Variants in CIDEA observed in about 807,000 individuals in gnomAD.
CIDEA encodes lipid transferase CIDEA.
A neutral mutation model predicts 18.2 loss-of-function variants in CIDEA; 10 were observed. The observed-to-expected ratio is 0.55, with a 90% CI of 0.34 to 0.93. The LOEUF (loss-of-function observed/expected upper bound fraction) is 0.93, where lower values mean the gene tolerates loss of function less well. Among genes scored for constraint, CIDEA ranks in the 40% least tolerant of loss-of-function variants. The pLI is 0.02. For missense variants in CIDEA, 309 were observed against 293.1 expected, an observed-to-expected ratio of 1.05 and a Z score of -0.40; for synonymous variants, 128 against 124.8, an observed-to-expected ratio of 1.03 and a Z score of -0.17.
intron 1 of CIDEA, among the ~76,000 whole-genome samples, chr18:12,260,069 C>G (rs1048786697): frequency 6.6e-6 from 1 of 152,140 alleles, no homozygotes; most frequent in Non-Finnish European, 1.5e-5. Flanking sequence ...CACAAACACT[C>G]ACGATTATGG....
intron 3 of CIDEA, among the ~76,000 whole-genome samples, chr18:12,272,147 T>TGGGGGGGGGGGGGGG: frequency 6.8e-4 from 1 of 1,478 alleles, no homozygotes; most frequent in South Asian, 0.029. Flanking sequence ...TGAGTGTGTG[T>TGGGGGGGGGGGGGGG]GTGGGGGGGG....
chr18:12,267,483 G>A (rs1027429991), intron 3 of CIDEA, among the ~76,000 whole-genome samples: 7 of 152,312 alleles, frequency 4.6e-5, no homozygotes, highest in South Asian at 4.1e-4. Context: ...AGTAAACAAC[G>A]CATCCTCAAA....
rs1905370482 is a variant in CIDEA, at chr18:12,277,230, C to T, written c.620C>T (p.Ser207Phe). The T allele has an allele frequency of 2.5e-6, 4 of 1,614,038 alleles. No individual in the cohort carries two copies. In the East Asian group the frequency reaches 6.7e-5, roughly 27 times the overall value. Residue 207 changes from serine (S) to phenylalanine (F), a missense_variant, in exon 5 of 5, where the codon TCC (serine) becomes TTC (phenylalanine). Coordinates refer to ENST00000320477, the MANE Select transcript of CIDEA (RefSeq NM_001279.4). Reference sequence around the variant, plus strand: ...CTGGATGACAAGGAAGAGCGGCCATCCCTCCGGTCACAAGCCAAGGGCAGG... The same window carrying T: ...CTGGATGACAAGGAAGAGCGGCCATTCCTCCGGTCACAAGCCAAGGGCAGG... ...RVLDDKEERP[S>F]LRSQAKGRFT...
At chr18:12,255,691 C>G (rs1016450584) in intron 1 of CIDEA, among the ~76,000 whole-genome samples, 1 of 152,174 alleles carries the variant, frequency 6.6e-6, no homozygotes, top group African/African-American at 2.4e-5. Context: ...TCCTCCGGAG[C>G]ATGGGGGAAG....
chr18:12,266,538 A>T (rs1435269917), intron 3 of CIDEA, among the ~76,000 whole-genome samples: 1 of 152,246 alleles, frequency 6.6e-6, no homozygotes, highest in Non-Finnish European at 1.5e-5. Context: ...GAATTTTTGG[A>T]AATGAAAAAT....
At chr18:12,268,254 A>ATTTTTTTTTTTTTTTTT (rs1912411367) in intron 3 of CIDEA, among the ~76,000 whole-genome samples, 4 of 51,060 alleles carry the variant, frequency 7.8e-5, no homozygotes, top group African/African-American at 7.7e-5. Flanking sequence ...TTTTTTTTTC[A>ATTTTTTTTTTTTTTTTT]TTTTTAGTAG....
intron 1 of CIDEA, among the ~76,000 whole-genome samples, chr18:12,260,503 A>G (rs1912161601): frequency 6.6e-6 from 1 of 152,112 alleles, no homozygotes; most frequent in African/African-American, 2.4e-5. Context: ...GGTTTTTTAT[A>G]TTACAAACAA....
In CIDEA at chr18:12,277,392, C is replaced by G. The variant is rs1905380376; in HGVS notation, c.*122C>G. 1 of 1,104,804 alleles carries G rather than the reference C, an allele frequency of 9.1e-7. No homozygotes were observed. The highest frequency in any genetic ancestry group is 2.6e-5 in the East Asian group (1 of 38,478). The allele number at this position is 1,104,804 out of a possible 1,614,324, so 68.4% of individuals were successfully genotyped here. A position where few individuals can be genotyped will look rare whatever the true frequency, so the allele number is the denominator to read the frequency against. On this transcript the variant is annotated 3_prime_UTR_variant, in exon 5 of 5. Transcript: ENST00000320477. ...CTTGGAGGCCGCTGGTCACGCTGCT[C>G]AGGAGTGGTGCCCAGAAAAGGAAAG...
chr18:12,274,295 C>G, intron 4 of CIDEA, 21 bp downstream of exon 4: 1 of 1,612,544 alleles, frequency 6.2e-7, no homozygotes, highest in Non-Finnish European at 8.5e-7. Context: ...CCAGGGGTCA[C>G]CTCCGGGGGT....
intron 3 of CIDEA, among the ~76,000 whole-genome samples, chr18:12,267,199 T>G (rs1390528743): frequency 6.6e-6 from 1 of 152,240 alleles, no homozygotes; most frequent in Non-Finnish European, 1.5e-5. Flanking sequence ...GAACCTGAGA[T>G]TCCAACAACA....
In CIDEA at chr18:12,277,110, G is replaced by T; in HGVS notation, c.513-13G>T. ...ATCCCAAGCTAAAGCCTCCCCATCT[G>T]CCTCTGCCACAGGAGTCTGCTGCGG... On this transcript the variant is annotated splice_polypyrimidine_tract_variant and intron_variant, in intron 4 of 4. Transcript: ENST00000320477. 1 of 1,613,454 alleles carries T rather than the reference G, an allele frequency of 6.2e-7. No homozygotes were observed. The highest frequency in any genetic ancestry group is 8.5e-7 in the Non-Finnish European group (1 of 1,179,568).
intron 4 of CIDEA, 85 bp from the exon 5 acceptor site, chr18:12,277,038 G>C (rs1029453164): frequency 5.4e-6 from 8 of 1,475,724 alleles, no homozygotes; most frequent in Admixed American, 3.5e-5. Flanking sequence ...GCCTTTTGGT[G>C]GGGGGAGTGA....
intron 4 of CIDEA, among the ~76,000 whole-genome samples, chr18:12,275,835 T>C (rs1325005268): frequency 2.6e-5 from 4 of 151,906 alleles, no homozygotes; most frequent in African/African-American, 9.7e-5. Flanking sequence ...AGCTTCCTTT[T>C]TTTTGTCTTT....
chr18:12,259,967 A>G (rs1598774580), intron 1 of CIDEA, among the ~76,000 whole-genome samples: 1 of 152,194 alleles, frequency 6.6e-6, no homozygotes, highest in Non-Finnish European at 1.5e-5. Context: ...CCCTGATGTC[A>G]TCCTGGCCAA....
chr18:12,274,002 T>C (rs1048416806), intron 3 of CIDEA, 91 bp from the exon 4 acceptor site: 16 of 1,389,184 alleles, frequency 1.2e-5, no homozygotes, highest in Admixed American at 5.9e-5. Context: ...AACAGACACA[T>C]AGGAGAATCT....
chr18:12,264,730 T>G (rs1016357285), intron 3 of CIDEA, among the ~76,000 whole-genome samples: 43 of 152,122 alleles, frequency 2.8e-4, no homozygotes, highest in African/African-American at 1.0e-3. Flanking sequence ...ACTTTTTGTA[T>G]TTTTAGTAGA....
intron 3 of CIDEA, among the ~76,000 whole-genome samples, chr18:12,267,209 A>G (rs1436190996): frequency 2.0e-5 from 3 of 152,168 alleles, no homozygotes; most frequent in African/African-American, 7.2e-5. Flanking sequence ...TTCCAACAAC[A>G]CCACGTCAGC....
In CIDEA at chr18:12,254,893, C is replaced by T. The variant is rs1274449839; in HGVS notation, c.38+472C>T. ...GCGCGGGAGGGGCCCAGGCTTGGCC[C>T]CTCCTGGAAGCGCGGGCTCTGGTCT... is the stretch of plus-strand genomic sequence containing the variant. On this transcript the variant is annotated intron_variant, in intron 1 of 4. Coordinates refer to ENST00000320477, the MANE Select transcript of CIDEA (RefSeq NM_001279.4). 17 of 1,287,980 alleles carry T rather than the reference C, an allele frequency of 1.3e-5. No individual in the cohort carries two copies. In the South Asian group the frequency reaches 1.9e-4, roughly 15 times the overall value. The allele number at this position is 1,287,980 out of a possible 1,614,324, so 79.8% of individuals were successfully genotyped here. A position where few individuals can be genotyped will look rare whatever the true frequency, so the allele number is the denominator to read the frequency against.
intron 4 of CIDEA, among the ~76,000 whole-genome samples, chr18:12,274,488 C>T (rs1271534029): frequency 2.0e-5 from 3 of 152,208 alleles, no homozygotes; most frequent in Non-Finnish European, 4.4e-5. Context: ...CTTCCAAAGA[C>T]CACTAACTAT....
Sources: gnomAD v4.1 joint callset for allele counts (sites outside exome capture counted in the v4.1 genomes callset) on GRCh38, gnomAD v4.1.1 for gene constraint, MANE v1.5 for transcripts, NCBI Gene and HGNC (gene_info 2026-07-23, HGNC 2026-07-21) for gene names.